Variants in CACNA1F observed in about 807,000 individuals in gnomAD.
CACNA1F encodes the protein voltage-dependent L-type calcium channel subunit alpha-1F.
CACNA1F carries 59 observed loss-of-function variants against 143.8 expected under a neutral mutation model. The ratio of observed to expected loss-of-function variants is 0.41; its 90% CI spans 0.33 to 0.51. The LOEUF (loss-of-function observed/expected upper bound fraction) is 0.51. Among genes scored for constraint, CACNA1F ranks in the 20% least tolerant of loss-of-function variants. CACNA1F has a pLI of 0.22. For synonymous variants in CACNA1F, 643 were observed against 649.1 expected (o/e 0.99, Z 0.14); for missense variants, 1,411 against 1,647.5 (o/e 0.86, Z 2.48).
rs1323002381 is a variant in CACNA1F, at chrX:49,211,167, G to A, written c.4261-75C>T. 7.9e-6 allele frequency: 9 copies of A among 1,133,123 alleles called. No homozygotes were observed. The African/African-American group carries it at 9.0e-5, about 11-fold the overall frequency. The allele number at this position is 1,133,123 out of a possible 1,213,427, so 93.4% of individuals were successfully genotyped here. A position where few individuals can be genotyped will look rare whatever the true frequency, so the allele number is the denominator to read the frequency against. ...CATGGACGGATGGTGGGAGGCTGGG[G>A]CGGGCTTATATGGTCATGAGTCTCT... On this transcript the variant is annotated intron_variant, in intron 36 of 47. Transcript: ENST00000323022.
intron 41 of CACNA1F, 108 bp downstream of exon 41, chrX:49,209,521 C>T (rs1199864583): frequency 7.9e-6 from 9 of 1,140,702 alleles, no homozygotes; most frequent in Non-Finnish European, 1.1e-5. Context: ...GGCCTGGGGC[C>T]TCAGTTTCCT....
intron 43 of CACNA1F, 62 bp from the exon 44 acceptor site, chrX:49,207,174 G>T: frequency 1.5e-6 from 1 of 672,368 alleles, no homozygotes. Context: ...TGGACCCCTG[G>T]TTCCTCTCAT....
intron 39 of CACNA1F, 71 bp from the exon 40 acceptor site, chrX:49,210,113 TG>T: frequency 1.1e-5 from 9 of 797,813 alleles, no homozygotes; most frequent in Admixed American, 4.4e-5. Flanking sequence ...CACTGTTGGG[TG>T]GGGGGAACTT....
Position 49,231,685 on chromosome X carries a change from C to G in CACNA1F, c.268G>C (p.Glu90Gln), listed in dbSNP as rs782596957. The G allele has an allele frequency of 8.3e-7, 1 of 1,212,000 alleles. No homozygotes were observed. The highest frequency in any genetic ancestry group is 1.1e-6 in the Non-Finnish European group (1 of 895,592). ...CCCTGCCTTCCAGGATGCTTCCACT[C>G]CACGATGCTGATGCAGGACCGTCGC... Reference protein sequence around the residue: ...PLRRSCISIVEWKPFDILILL... With the variant: ...PLRRSCISIVQWKPFDILILL... The change falls in exon 2 of 48, where the codon GAG becomes CAG. Residue 90 changes from glutamate to glutamine, a missense_variant. Physicochemically the swap from Glu to Gln is conservative, Grantham distance 29 (BLOSUM62 2). Around this residue, in one of 3 missense-constraint regions of CACNA1F, gnomAD observed 950 missense variants for 1,128.1 expected, o/e 0.84. Coordinates refer to ENST00000323022, the MANE Select transcript of CACNA1F (RefSeq NM_001256789.3).
chrX:49,233,192 G>A, intron 1 of CACNA1F, 93 bp downstream of exon 1: 1 of 920,874 alleles, frequency 1.1e-6, no homozygotes, highest in Non-Finnish European at 1.6e-6. Flanking sequence ...TCCCCTAGAG[G>A]CTCTCTGGGG....
chrX:49,209,328 C>T lies in CACNA1F; in HGVS notation c.4887G>A (p.Glu1629=), dbSNP rs782470573. The change falls in exon 42 of 48, where the codon GAG becomes GAA. Residue 1629 remains glutamate, a synonymous_variant. Coordinates refer to ENST00000323022, the MANE Select transcript of CACNA1F (RefSeq NM_001256789.3). ...EMRQALTCDT[E]EEEEEGQEGV... is the part of the protein sequence containing the mutation. The stretch of plus-strand genomic sequence containing the variant: ...CCTCCTGCCCCTCTTCTTCCTCCTC[C>T]TCTGTGTCACAGGTGAGGGCCTGCC... 8.3e-7 allele frequency: 1 copy of T among 1,205,130 alleles called. No individual in the cohort carries two copies. The highest frequency in any genetic ancestry group is 3.0e-5 in the East Asian group (1 of 33,802).
chrX:49,205,814 C>T lies in CACNA1F; in HGVS notation c.5473-1G>A. On this transcript the variant is annotated splice_acceptor_variant, in intron 46 of 47. Transcript: ENST00000323022. LOFTEE classifies it high-confidence loss of function. ...GCTGAGGTGGTGTTGCCCAGGAACCCTGAGCCAGAATAAACATCAGAGGGG... is the reference window on the plus strand; with the variant it reads ...GCTGAGGTGGTGTTGCCCAGGAACCTTGAGCCAGAATAAACATCAGAGGGG... 8.4e-7 allele frequency: 1 copy of T among 1,196,824 alleles called. No homozygotes were observed.
intron 30 of CACNA1F, 35 bp from the exon 31 acceptor site, chrX:49,213,937 C>T: frequency 9.5e-7 from 1 of 1,047,536 alleles, no homozygotes. Context: ...CCTGTCTTCT[C>T]AAAGCTCGCA....
At chrX:49,210,747 C>T in intron 37 of CACNA1F, 61 bp from the exon 38 acceptor site, 18 of 982,721 alleles carry the variant, frequency 1.8e-5, no homozygotes, top group Non-Finnish European at 2.6e-5. Context: ...TTTCTCAAGG[C>T]CCCACCAGCT....
chrX:49,217,135 T>G (rs1465488447), intron 26 of CACNA1F, among the ~76,000 whole-genome samples: 1 of 111,679 alleles, frequency 9.0e-6, no homozygotes, highest in Non-Finnish European at 1.9e-5. Flanking sequence ...ATTTTTGTAT[T>G]TTTAGTGGAG....
Position 49,210,045 on chromosome X carries a change from G to T in CACNA1F, c.4589-3C>A, listed in dbSNP as rs2065640718. 2 of 1,172,612 alleles carry T rather than the reference G, an allele frequency of 1.7e-6. No homozygotes were observed. Among genetic ancestry groups the T allele is most frequent in the Non-Finnish European group, 2.3e-6 (2 of 860,956 alleles). On this transcript the variant is annotated splice_region_variant and splice_polypyrimidine_tract_variant and intron_variant, in intron 39 of 47. Transcript: ENST00000323022. ...CTGGTTGGCTTGCTCCAGGTTCCCTGCGTTGGAGGAGGATGTGGGGCATGA... is the reference window on the plus strand; with the variant it reads ...CTGGTTGGCTTGCTCCAGGTTCCCTTCGTTGGAGGAGGATGTGGGGCATGA...
chrX:49,212,539 A>C (rs2065667661), intron 33 of CACNA1F, 128 bp downstream of exon 33: 2 of 776,556 alleles, frequency 2.6e-6, no homozygotes, highest in Non-Finnish European at 3.8e-6. Flanking sequence ...AAAAAGAGAA[A>C]ATTGGAATAA....
chrX:49,214,195 A>T lies in CACNA1F; in HGVS notation c.3672T>A (p.Ile1224=), dbSNP rs781981210. 2 of 1,205,309 alleles carry T rather than the reference A, an allele frequency of 1.7e-6. No homozygotes were observed. The highest frequency in any genetic ancestry group is 2.2e-6 in the Non-Finnish European group (2 of 889,255). Residue 1224 remains isoleucine (I), a synonymous_variant, in exon 30 of 48, where the codon ATT becomes ATA. Transcript: ENST00000323022. ...LNMVFTGLFT[I]EMVLKIIAFK... is the part of the protein sequence containing the mutation. ...AGGCGATGATTTTGAGCACCATCTC[A>T]ATAGTGAAGAGGCCAGTGAAGACCA...
In CACNA1F at chrX:49,209,090, G is replaced by A. The variant is rs781864148; in HGVS notation, c.4953+172C>T. ...GATCCTTCCACCCTGGACTCCCAAAGTGCTGGGATTATAGGCATGAGCCAC... is the reference window on the plus strand; with the variant it reads ...GATCCTTCCACCCTGGACTCCCAAAATGCTGGGATTATAGGCATGAGCCAC... On this transcript the variant is annotated intron_variant, in intron 42 of 47. Transcript: ENST00000323022. 3.9e-5 allele frequency: 21 copies of A among 541,491 alleles called. No homozygotes were observed. In the Admixed American group the frequency reaches 5.8e-4, roughly 15 times the overall value. 44.6% of individuals were successfully genotyped at this position (541,491 alleles called of 1,213,427 possible).
At chrX:49,217,839 C>T (rs367841360) in intron 25 of CACNA1F, 32 bp from the exon 26 acceptor site, 2 of 1,191,544 alleles carry the variant, frequency 1.7e-6, no homozygotes, top group African/African-American at 1.8e-5. Context: ...AGTAGGTTCA[C>T]CCTTCATCAC....
At chrX:49,206,412 AAAAAAAAG>A in intron 46 of CACNA1F, 91 bp downstream of exon 46, 6 of 437,430 alleles carry the variant, frequency 1.4e-5, no homozygotes, top group South Asian at 3.5e-5. Flanking sequence ...AAAAAAAAAA[AAAAAAAAG>A]GGCCTGATAT....
At chrX:49,211,730 G>C (rs1211612387) in intron 35 of CACNA1F, among the ~76,000 whole-genome samples, 168 bp downstream of exon 35, 1 of 112,282 alleles carries the variant, frequency 8.9e-6, no homozygotes, top group Non-Finnish European at 1.9e-5. Context: ...GAAAATGGCT[G>C]AGGCTAGAAT....
rs781874240 is a variant in CACNA1F at position 49,226,110 on chromosome X, A to C, written c.1491-41T>G. ...CCCACAGGCTGAGATCACCTACCTA[A>C]GCCTGCCCTGGGGGGCTCAGGTGGG... On this transcript the variant is annotated intron_variant, in intron 12 of 47. Coordinates refer to ENST00000323022, the MANE Select transcript of CACNA1F (RefSeq NM_001256789.3). 14 of 1,182,746 alleles carry C rather than the reference A, an allele frequency of 1.2e-5. No homozygotes were observed. In the Middle Eastern group the frequency reaches 7.0e-4, roughly 59 times the overall value.
rs782774526 is a variant in CACNA1F at position 49,230,974 on chromosome X, C to A, written c.397G>T (p.Val133Leu). ...ANHNLEQVEY[V>L]FLVIFTVETV... is the part of the protein sequence containing the mutation. ...TCCACAGTGAAAATCACCAGGAATA[C>A]GTACTCCACCTGCTCCTGGGGGTGG... The change falls in exon 4 of 48, where the codon GTA (valine) becomes TTA (leucine). Residue 133 changes from valine (V) to leucine (L), a missense_variant. Around this residue, in one of 3 missense-constraint regions of CACNA1F, gnomAD observed 950 missense variants for 1,128.1 expected, o/e 0.84. Transcript: ENST00000323022. The A allele has an allele frequency of 8.6e-7, 1 of 1,163,685 alleles. No homozygotes were observed. Among genetic ancestry groups the A allele is most frequent in the Non-Finnish European group, 1.2e-6 (1 of 857,073 alleles).
Sources: allele counts gnomAD v4.1 joint callset (sites outside exome capture counted in the v4.1 genomes callset), GRCh38; gene constraint gnomAD v4.1.1; regional missense constraint gnomAD v4.1.1; transcripts MANE v1.5; gene names NCBI Gene and HGNC (gene_info 2026-07-23, HGNC 2026-07-21).